Variants in LYST observed in about 807,000 individuals in gnomAD.
The protein encoded by LYST is lysosomal-trafficking regulator.
Under a neutral mutation model 413.6 loss-of-function variants are expected in LYST, and 192 were observed. That is an observed-to-expected ratio of 0.46 (90% confidence interval 0.41 to 0.52). LYST has a LOEUF of 0.52. Among genes scored for constraint, LYST ranks in the 20% least tolerant of loss-of-function variants. The pLI is 0.00. For synonymous variants in LYST, 1,525 were observed against 1,567.3 expected (o/e 0.97, Z 0.64); for missense variants, 3,815 against 4,499.9 (o/e 0.85, Z 4.35).
intron 41 of LYST, 152 bp downstream of exon 41, chr1:235,716,560 T>G: frequency 1.7e-6 from 1 of 574,730 alleles, no homozygotes; most frequent in Non-Finnish European, 3.1e-6. Context: ...AAAATGATAT[T>G]TCATTTCACA....
chr1:235,819,567 G>A (rs1441091972), intron 3 of LYST, among the ~76,000 whole-genome samples: 1 of 152,164 alleles, frequency 6.6e-6, no homozygotes, highest in African/African-American at 2.4e-5. Context: ...TATATGCCAT[G>A]AACAGGTCCA....
intron 14 of LYST, among the ~76,000 whole-genome samples, chr1:235,786,736 C>A (rs1259563035): frequency 6.6e-6 from 1 of 152,004 alleles, no homozygotes; most frequent in Non-Finnish European, 1.5e-5. Flanking sequence ...AGGATGAGTT[C>A]ATGTCCTTTG....
At chr1:235,830,609 C>T (rs991743240) in intron 2 of LYST, among the ~76,000 whole-genome samples, 185 bp from the exon 3 acceptor site, 1 of 152,092 alleles carries the variant, frequency 6.6e-6, no homozygotes, top group Admixed American at 6.5e-5. Flanking sequence ...TAAATAATTC[C>T]TTCCATGGCG....
chr1:235,812,006 A>AT (rs538334127), intron 4 of LYST, among the ~76,000 whole-genome samples: 14 of 150,684 alleles, frequency 9.3e-5, no homozygotes, highest in Admixed American at 2.0e-4. Flanking sequence ...AAATACAATA[A>AT]TTTTTTTTTT....
At chr1:235,764,495 C>CTTTTTTTTT (rs1020736833) in intron 21 of LYST, among the ~76,000 whole-genome samples, 18 of 97,922 alleles carry the variant, frequency 1.8e-4, no homozygotes, top group Non-Finnish European at 2.3e-4. Flanking sequence ...TTTTTCTTTT[C>CTTTTTTTTT]TTTTTTTTTT....
At chr1:235,703,026 G>A in intron 44 of LYST, 49 bp from the exon 45 acceptor site, 1 of 1,294,786 alleles carries the variant, frequency 7.7e-7, no homozygotes, top group Non-Finnish European at 1.1e-6. Context: ...TAAAAAGAAA[G>A]ACTTGACAAT....
chr1:235,807,234 A>C (rs1672946316), intron 5 of LYST, among the ~76,000 whole-genome samples: 1 of 152,232 alleles, frequency 6.6e-6, no homozygotes, highest in South Asian at 2.1e-4. Context: ...GAAGGGAAAG[A>C]ATCACACTAG....
chr1:235,826,585 G>C (rs1675360642), intron 3 of LYST, among the ~76,000 whole-genome samples: 3 of 151,996 alleles, frequency 2.0e-5, no homozygotes. Context: ...GAAGGGGAGG[G>C]ACTGACTGAA....
intron 31 of LYST, among the ~76,000 whole-genome samples, chr1:235,740,091 C>T (rs911961043): frequency 6.6e-5 from 10 of 152,158 alleles, no homozygotes; most frequent in African/African-American, 1.4e-4. Flanking sequence ...GCTAAATATG[C>T]TTCTGTCTTG....
At chr1:235,813,934 T>G (rs1232024931) in intron 3 of LYST, among the ~76,000 whole-genome samples, 1 of 152,014 alleles carries the variant, frequency 6.6e-6, no homozygotes, top group African/African-American at 2.4e-5. Flanking sequence ...ACAGAATTAG[T>G]TGGAAGGGGA....
intron 2 of LYST, among the ~76,000 whole-genome samples, chr1:235,833,230 G>A (rs941672480): frequency 5.3e-5 from 8 of 152,030 alleles, no homozygotes; most frequent in African/African-American, 1.7e-4. Flanking sequence ...CATTTTTAAT[G>A]TCAACTGAAG....
chr1:235,733,431 T>C lies in LYST; in HGVS notation c.8801+72A>G. ...GATTTTATGAGTCTGAATTCCGGAA[T>C]ACAAATTCCGTTTAACATCAATATC... is the stretch of plus-strand genomic sequence containing the variant. On this transcript the variant is annotated intron_variant, in intron 34 of 52. Transcript: ENST00000389793. 4 of 1,323,658 alleles carry C rather than the reference T, an allele frequency of 3.0e-6. No individual in the cohort carries two copies. The South Asian group carries it at 3.6e-5, about 12-fold the overall frequency. 82.0% of individuals were successfully genotyped at this position (1,323,658 alleles called of 1,614,324 possible). A position where few individuals can be genotyped will look rare whatever the true frequency, so the allele number is the denominator to read the frequency against.
chr1:235,816,971 T>C (rs1163579263), intron 3 of LYST, among the ~76,000 whole-genome samples: 1 of 152,150 alleles, frequency 6.6e-6, no homozygotes, highest in African/African-American at 2.4e-5. Context: ...AAACCATGTA[T>C]CTGACAAAGG....
chr1:235,694,066 G>A (rs1660891846), intron 46 of LYST, among the ~76,000 whole-genome samples: 1 of 146,602 alleles, frequency 6.8e-6, no homozygotes, highest in Non-Finnish European at 1.5e-5. Flanking sequence ...CTGAAGTGCC[G>A]TGGCGCAATC....
chr1:235,882,387 C>A (rs760992008), intron 1 of LYST, among the ~76,000 whole-genome samples: 1 of 152,188 alleles, frequency 6.6e-6, no homozygotes, highest in Admixed American at 6.5e-5. Context: ...GTGTGCCATG[C>A]GGAAGCTTTG....
At chr1:235,812,537 G>C (rs1247705541) in intron 4 of LYST, among the ~76,000 whole-genome samples, 1 of 151,276 alleles carries the variant, frequency 6.6e-6, no homozygotes, top group Non-Finnish European at 1.5e-5. Flanking sequence ...TACTTTAAAG[G>C]CAACACTAGA....
At chr1:235,757,182 A>G (rs942223253) in intron 24 of LYST, 99 bp downstream of exon 24, 63 of 722,412 alleles carry the variant, frequency 8.7e-5, no homozygotes, top group Non-Finnish European at 1.4e-4. Context: ...AATATAAAAG[A>G]GAGATTTAGG....
intron 1 of LYST, among the ~76,000 whole-genome samples, chr1:235,837,485 G>A (rs771161678): frequency 5.3e-5 from 8 of 151,966 alleles, no homozygotes; most frequent in African/African-American, 1.7e-4. Flanking sequence ...AAAATTAGCC[G>A]GCATGGTGGT....
At chr1:235,757,541 C>A (rs1667158253) in intron 23 of LYST, 83 bp from the exon 24 acceptor site, 5 of 948,404 alleles carry the variant, frequency 5.3e-6, no homozygotes, top group Non-Finnish European at 8.7e-6. Context: ...CAAGTAGTAG[C>A]ATTTTTTAAC....
Sources: gnomAD v4.1 joint callset for allele counts (sites outside exome capture counted in the v4.1 genomes callset) on GRCh38, gnomAD v4.1.1 for gene constraint, MANE v1.5 for transcripts, NCBI Gene and HGNC (gene_info 2026-07-23, HGNC 2026-07-21) for gene names.